The following DYSF variants were observed in gnomAD, a reference collection of about 807,000 sequenced individuals.
DYSF encodes dysferlin, also known as dystrophy-associated fer-1-like 1.
A neutral mutation model predicts 274.9 loss-of-function variants in DYSF; 212 were observed. The ratio of observed to expected loss-of-function variants is 0.77; its 90% CI spans 0.69 to 0.86. DYSF has a LOEUF of 0.86. Among genes scored for constraint, DYSF ranks in the 40% least tolerant of loss-of-function variants. The pLI is 0.00. For synonymous variants in DYSF, 1,091 were observed against 1,078.7 expected (o/e 1.01, Z -0.22); for missense variants, 2,666 against 2,783.2 (o/e 0.96, Z 0.95).
At chr2:71,536,032 C>A (rs2089300564) in intron 16 of DYSF, among the ~76,000 whole-genome samples, 1 of 152,176 alleles carries the variant, frequency 6.6e-6, no homozygotes, top group Non-Finnish European at 1.5e-5. Flanking sequence ...AGGCTTGAAC[C>A]CAAGCCTGCT....
intron 32 of DYSF, among the ~76,000 whole-genome samples, chr2:71,595,374 G>A (rs936295005): frequency 6.6e-6 from 1 of 152,184 alleles, no homozygotes; most frequent in Non-Finnish European, 1.5e-5. Context: ...AGGAGCACTG[G>A]ACTAGGAGTC....
At chr2:71,554,126 AAG>A (rs2091169463) in intron 21 of DYSF, among the ~76,000 whole-genome samples, 195 bp downstream of exon 21, 1 of 152,168 alleles carries the variant, frequency 6.6e-6, no homozygotes, top group African/African-American at 2.4e-5. Flanking sequence ...TGGAAGAGAA[AAG>A]AGGGGATGTG....
At chr2:71,531,685 G>A (rs956739260) in intron 14 of DYSF, among the ~76,000 whole-genome samples, 2 of 151,850 alleles carry the variant, frequency 1.3e-5, no homozygotes, top group Non-Finnish European at 2.9e-5. Flanking sequence ...TGGCGACTTC[G>A]CTGTTTAAAA....
intron 10 of DYSF, among the ~76,000 whole-genome samples, chr2:71,518,846 G>T (rs1349985634): frequency 2.0e-5 from 3 of 151,842 alleles, no homozygotes; most frequent in Non-Finnish European, 4.4e-5. Flanking sequence ...TGATCCCAGT[G>T]CTTTGGGAGG....
At chr2:71,604,430 G>A (rs761744561) in intron 36 of DYSF, among the ~76,000 whole-genome samples, 10 of 152,320 alleles carry the variant, frequency 6.6e-5, no homozygotes, top group African/African-American at 2.2e-4. Flanking sequence ...CTGCTCCCAG[G>A]CTCCTGGCCC....
intron 17 of DYSF, among the ~76,000 whole-genome samples, chr2:71,541,828 CAT>C (rs1208414900): frequency 2.0e-5 from 3 of 152,004 alleles, no homozygotes; most frequent in Non-Finnish European, 2.9e-5. Flanking sequence ...GTGATTCTTT[CAT>C]AGTTAGTCTA....
chr2:71,516,347 T>C (rs191870806), intron 9 of DYSF, 105 bp downstream of exon 9: 854 of 1,116,750 alleles, frequency 7.6e-4, no homozygotes, highest in Non-Finnish European at 1.1e-3. Context: ...TGCACGTCAG[T>C]GTGAATGCGT....
rs1362854351 is a variant in DYSF, at chr2:71,570,962, GCATA to G, written c.3228+224_3228+227del. The G allele has an allele frequency of 8.4e-6, 5 of 597,232 alleles. No individual in the cohort carries two copies. The African/African-American group carries it at 8.5e-5, about 10-fold the overall frequency. 37.0% of individuals were successfully genotyped at this position (597,232 alleles called of 1,614,324 possible). ...CCAGCATACCCAAAGATCACACCCA[GCATA>G]CACACAGATCACACCCAGCACACAG... On this transcript the variant is annotated intron_variant, in intron 29 of 55. Transcript: ENST00000410020.
chr2:71,509,484 C>T (rs1468914992), intron 4 of DYSF, among the ~76,000 whole-genome samples: 1 of 152,152 alleles, frequency 6.6e-6, no homozygotes, highest in East Asian at 1.9e-4. Flanking sequence ...TTTAATATCA[C>T]TGCTGTTTCT....
At chr2:71,651,981 G>A (rs968508962) in intron 42 of DYSF, among the ~76,000 whole-genome samples, 2 of 152,154 alleles carry the variant, frequency 1.3e-5, no homozygotes, top group Admixed American at 1.3e-4. Flanking sequence ...ATTGGAAATA[G>A]GAGTTTCCTT....
chr2:71,554,368 G>T (rs2091190455), intron 21 of DYSF, among the ~76,000 whole-genome samples: 2 of 152,220 alleles, frequency 1.3e-5, no homozygotes, highest in Admixed American at 1.3e-4. Flanking sequence ...GTTTATTAAA[G>T]GAGGGCATAG....
chr2:71,484,399 G>C (rs2083201182), intron 3 of DYSF, among the ~76,000 whole-genome samples: 1 of 152,160 alleles, frequency 6.6e-6, no homozygotes, highest in Non-Finnish European at 1.5e-5. Context: ...GTAGATAATA[G>C]TTGTATATAT....
chr2:71,518,255 A>ATTTT (rs71402988), intron 10 of DYSF, among the ~76,000 whole-genome samples: 1 of 138,848 alleles, frequency 7.2e-6, no homozygotes. Context: ...GACCTGTATG[A>ATTTT]TTTTTTTTTT....
chr2:71,636,964 G>A (rs920938215), intron 41 of DYSF, among the ~76,000 whole-genome samples: 1 of 152,204 alleles, frequency 6.6e-6, no homozygotes, highest in African/African-American at 2.4e-5. Flanking sequence ...GCCAAATACT[G>A]CTCCTGGATT....
At chr2:71,498,523 A>G (rs925768968) in intron 3 of DYSF, among the ~76,000 whole-genome samples, 2 of 152,218 alleles carry the variant, frequency 1.3e-5, no homozygotes, top group Non-Finnish European at 2.9e-5. Flanking sequence ...CTTAGGTTCT[A>G]CAATAGTGAC....
chr2:71,653,453 A>G (rs2094703662), intron 42 of DYSF, among the ~76,000 whole-genome samples: 2 of 152,128 alleles, frequency 1.3e-5, no homozygotes, highest in Admixed American at 1.3e-4. Context: ...AATGTGGCAC[A>G]TATACACCAT....
chr2:71,519,836 TATTTTTAATAGAG>T (rs2087057123), intron 10 of DYSF, among the ~76,000 whole-genome samples: 1 of 87,112 alleles, frequency 1.1e-5, no homozygotes, highest in Non-Finnish European at 2.6e-5. Flanking sequence ...TTTTTTTTTG[TATTTTTAATAGAG>T]ATGGAGTTTC....
chr2:71,499,020 A>G (rs902833132), intron 3 of DYSF, among the ~76,000 whole-genome samples: 25 of 152,346 alleles, frequency 1.6e-4, no homozygotes, highest in African/African-American at 6.0e-4. Flanking sequence ...TTACGTTGGT[A>G]AAAACTTTAA....
rs558726495 is a variant in DYSF, at chr2:71,620,523, C to T, written c.4465-24C>T. 4 of 1,551,730 alleles carry T rather than the reference C, an allele frequency of 2.6e-6. No individual in the cohort carries two copies. The South Asian group carries it at 4.8e-5, about 18-fold the overall frequency. ...TAAAGTGGGTTCTCTAATCCTGTTG[C>T]TAACCAGCATGTTTCATTTGTAGCT... On this transcript the variant is annotated intron_variant, in intron 40 of 55. Coordinates refer to ENST00000410020, the MANE Select transcript of DYSF (RefSeq NM_001130987.2).
Sources: allele counts gnomAD v4.1 joint callset (sites outside exome capture counted in the v4.1 genomes callset), GRCh38; gene constraint gnomAD v4.1.1; transcripts MANE v1.5; gene names NCBI Gene and HGNC (gene_info 2026-07-23, HGNC 2026-07-21).